Variants in CDK14 observed in about 807,000 individuals in gnomAD.
CDK14 encodes cyclin-dependent kinase 14.
In CDK14, 34 loss-of-function variants were observed where a neutral mutation model predicts 60.7. The ratio of observed to expected loss-of-function variants is 0.56; its 90% confidence interval spans 0.43 to 0.75. The LOEUF is 0.75. Ranked by LOEUF, CDK14 falls within the 30% of genes least tolerant of loss-of-function variation. The probability of loss-of-function intolerance (pLI) is 0.00; values close to 1 mark genes in which losing one functional copy is unlikely to be tolerated. For synonymous variants in CDK14, 197 were observed against 203.7 expected (o/e 0.97, Z 0.28); for missense variants, 482 against 564.1 (o/e 0.85, Z 1.47).
At chr7:91,185,597 C>G (rs538083003) in intron 14 of CDK14, among the ~76,000 whole-genome samples, 119 of 152,044 alleles carry the variant, frequency 7.8e-4, no homozygotes, top group Admixed American at 2.3e-3. Flanking sequence ...ATAAAATGGG[C>G]AAGTTACTCC....
chr7:91,183,385 C>T (rs1252852374), intron 14 of CDK14, among the ~76,000 whole-genome samples: 1 of 152,208 alleles, frequency 6.6e-6, no homozygotes, highest in African/African-American at 2.4e-5. Flanking sequence ...CTTTTCTACC[C>T]TTACTTATTC....
chr7:90,625,204 G>T (rs965383675), intron 2 of CDK14, among the ~76,000 whole-genome samples: 3 of 152,096 alleles, frequency 2.0e-5, no homozygotes, highest in African/African-American at 7.2e-5. Context: ...GCCAGGCGTG[G>T]TGACACATGC....
intron 14 of CDK14, among the ~76,000 whole-genome samples, chr7:91,173,534 A>G (rs868188995): frequency 2.4e-4 from 37 of 152,156 alleles, no homozygotes; most frequent in Non-Finnish European, 4.4e-4. Context: ...CTGCATTTCC[A>G]TCTGAGGTAC....
intron 4 of CDK14, among the ~76,000 whole-genome samples, chr7:90,771,409 G>A (rs905778514): frequency 6.6e-6 from 1 of 152,146 alleles, no homozygotes; most frequent in African/African-American, 2.4e-5. Flanking sequence ...CTCACAGTTT[G>A]GTGAGTTCTG....
rs1803006140 is a variant in CDK14 at position 91,209,572 on chromosome 7, T to C, written c.*2436T>C. 6.6e-6 allele frequency: 1 copy of C among 152,640 alleles called. No individual in the cohort carries two copies. Among genetic ancestry groups the C allele is most frequent in the South Asian group, 2.1e-4 (1 of 4,828 alleles). The allele number at this position is 152,640 out of a possible 1,614,324, so 9.5% of individuals were successfully genotyped here. A position where few individuals can be genotyped will look rare whatever the true frequency, so the allele number is the denominator to read the frequency against. On this transcript the variant is annotated 3_prime_UTR_variant, in exon 15 of 15. Transcript: ENST00000380050. Reference sequence around the variant, plus strand: ...CTGTGTTGATTAGCAGATTTATTATTCTATTGAGAAAGCACTGGAATGTTT... The same window carrying C: ...CTGTGTTGATTAGCAGATTTATTATCCTATTGAGAAAGCACTGGAATGTTT...
intron 5 of CDK14, among the ~76,000 whole-genome samples, chr7:90,812,698 A>T (rs1449464694): frequency 6.6e-6 from 1 of 152,186 alleles, no homozygotes; most frequent in East Asian, 1.9e-4. Flanking sequence ...AGGACATGAA[A>T]ATTAAAAACC....
intron 9 of CDK14, among the ~76,000 whole-genome samples, chr7:90,969,559 A>G (rs950928342): frequency 6.6e-6 from 1 of 152,144 alleles, no homozygotes; most frequent in Non-Finnish European, 1.5e-5. Context: ...TTAAAATATG[A>G]CTTCCTTGTT....
At chr7:90,962,997 C>G (rs1794645090) in intron 9 of CDK14, among the ~76,000 whole-genome samples, 1 of 151,738 alleles carries the variant, frequency 6.6e-6, no homozygotes, top group Non-Finnish European at 1.5e-5. Flanking sequence ...TATATAAAAG[C>G]TGCTCTATTT....
intron 11 of CDK14, among the ~76,000 whole-genome samples, chr7:91,065,121 T>C (rs1399766740): frequency 2.6e-5 from 4 of 152,240 alleles, no homozygotes; most frequent in Admixed American, 1.3e-4. Flanking sequence ...AGATTACTCA[T>C]TTAGAAAAGC....
In CDK14 at chr7:91,204,251, C is replaced by G. The variant is rs150644959; in HGVS notation, c.*29-2914C>G. Among the ~76,000 whole-genome samples, 1,310 of 152,204 alleles carry G rather than the reference C, an allele frequency of 8.6e-3. 8 individuals are homozygous for G. Among genetic ancestry groups the G allele is most frequent in the Non-Finnish European group, 0.014 (923 of 68,006 alleles). On this transcript the variant is annotated intron_variant, in intron 14 of 14. Coordinates refer to ENST00000380050, the MANE Select transcript of CDK14 (RefSeq NM_001287135.2). ...CTCAAGAATAGAAGGTTACCCCTAC[C>G]TCATACCATATACAAAACTTCACTC...
chr7:90,763,576 C>A (rs941846627), intron 4 of CDK14, among the ~76,000 whole-genome samples: 1 of 138,430 alleles, frequency 7.2e-6, no homozygotes, highest in African/African-American at 2.7e-5. Context: ...TTGCTGACTC[C>A]TTTTTGGGTT....
rs1305245234 is a variant in CDK14 at position 90,622,662 on chromosome 7, G to A, written c.123+18413G>A. Among the ~76,000 whole-genome samples the A allele has an allele frequency of 1.8e-4, 27 of 152,194 alleles. 1 individual carries two copies. On this transcript the variant is annotated intron_variant, in intron 2 of 14. Transcript: ENST00000380050. ...AAGTGGGTAGTGGGAGTGTGGAAGG[G>A]TGAAGCAATATCTACTAACCTTATT... is the stretch of plus-strand genomic sequence containing the variant.
At chr7:91,117,752 T>C (rs1334670644) in intron 13 of CDK14, among the ~76,000 whole-genome samples, 1 of 152,186 alleles carries the variant, frequency 6.6e-6, no homozygotes, top group South Asian at 2.1e-4. Context: ...TAAATATTTT[T>C]CCAATGAATG....
intron 14 of CDK14, among the ~76,000 whole-genome samples, chr7:91,198,423 C>T (rs1308868617): frequency 6.6e-6 from 1 of 152,154 alleles, no homozygotes; most frequent in East Asian, 1.9e-4. Context: ...GGGCAAAATG[C>T]TCAAGGATCC....
rs543394964 is a variant in CDK14, at chr7:90,741,241, G to T, written c.370-6440G>T. 6.6e-5 allele frequency among the ~76,000 whole-genome samples: 10 copies of T among 152,230 alleles called. No individual in the cohort carries two copies. The East Asian group carries it at 1.9e-3, about 29-fold the overall frequency. ...TTGAAGGTGCCACTGTCTAGAGATA[G>T]GCTGGATTAATAGTTGAGACTCTCA... On this transcript the variant is annotated intron_variant, in intron 3 of 14. Coordinates refer to ENST00000380050, the MANE Select transcript of CDK14 (RefSeq NM_001287135.2).
chr7:90,768,067 TA>T (rs1381580934), intron 4 of CDK14, among the ~76,000 whole-genome samples: 2 of 152,250 alleles, frequency 1.3e-5, no homozygotes, highest in Non-Finnish European at 2.9e-5. Flanking sequence ...ACAACTTTCT[TA>T]AATTGCTAAT....
intron 8 of CDK14, among the ~76,000 whole-genome samples, chr7:90,947,418 C>T (rs112076520): frequency 2.0e-5 from 3 of 152,300 alleles, no homozygotes; most frequent in African/African-American, 7.2e-5. Flanking sequence ...CCACTTACTA[C>T]AGTATGACCT....
At position 91,006,743 on chromosome 7, in the gene CDK14, C is replaced by T. The variant is rs143032300; in HGVS notation, c.1041+22502C>T. Among the ~76,000 whole-genome samples the T allele has an allele frequency of 1.9e-4, 29 of 152,310 alleles. 1 individual carries two copies. The East Asian group carries it at 5.4e-3, about 28-fold the overall frequency. On this transcript the variant is annotated intron_variant, in intron 10 of 14. Coordinates refer to ENST00000380050, the MANE Select transcript of CDK14 (RefSeq NM_001287135.2). ...ATGCCCATGCAATCATTCACATAAA[C>T]AGTATGTGTTTGTGAGTGATGTGTG...
intron 4 of CDK14, among the ~76,000 whole-genome samples, chr7:90,755,904 G>A (rs564096644): frequency 6.6e-6 from 1 of 152,154 alleles, no homozygotes; most frequent in East Asian, 1.9e-4. Context: ...CAATTATTTT[G>A]TGTACAATAT....
Sources: allele counts gnomAD v4.1 joint callset (sites outside exome capture counted in the v4.1 genomes callset), GRCh38; gene constraint gnomAD v4.1.1; transcripts MANE v1.5; gene names NCBI Gene and HGNC (gene_info 2026-07-23, HGNC 2026-07-21).